The following PPP3R1 variants were observed in gnomAD, a reference collection of about 807,000 sequenced individuals.
PPP3R1 encodes the protein calcineurin subunit B type 1.
A neutral mutation model predicts 22.6 loss-of-function variants in PPP3R1; 5 were observed. The observed-to-expected ratio is 0.22, with a 90% CI of 0.12 to 0.46. The LOEUF is 0.46. PPP3R1 is among the 20% of genes least tolerant of loss of function. The pLI is 0.99. For synonymous variants in PPP3R1, 56 were observed against 65.2 expected, an observed-to-expected ratio of 0.86 and a Z score of 0.68; for missense variants, 61 against 203.2, an observed-to-expected ratio of 0.30 and a Z score of 4.25.
Position 68,200,813 on chromosome 2 carries a change from G to T in PPP3R1, c.44-12123C>A, listed in dbSNP as rs756933846. On this transcript the variant is annotated intron_variant, in intron 2 of 5. Transcript: ENST00000234310. The stretch of plus-strand genomic sequence containing the variant: ...TAAAAATCAGACCATGTTTTACTAA[G>T]ACGTCCTTTCTAACCCTTCTCTCAA... Among the ~76,000 whole-genome samples the T allele has an allele frequency of 2.6e-5, 4 of 152,106 alleles. No individual in the cohort carries two copies. In the East Asian group the frequency reaches 7.7e-4, roughly 29 times the overall value.
intron 5 of PPP3R1, among the ~76,000 whole-genome samples, chr2:68,184,921 T>A (rs1674502791): frequency 6.6e-6 from 1 of 152,072 alleles, no homozygotes; most frequent in Admixed American, 6.6e-5. Context: ...GACCCCTGTC[T>A]ACAAAAACTT....
intron 1 of PPP3R1, among the ~76,000 whole-genome samples, chr2:68,237,345 C>G (rs1670037670): frequency 6.6e-6 from 1 of 152,064 alleles, no homozygotes; most frequent in Admixed American, 6.6e-5. Context: ...GTGAATCAGG[C>G]AATCTTGTGG....
Position 68,198,401 on chromosome 2 carries a change from ATGTG to A in PPP3R1, c.44-9715_44-9712del, listed in dbSNP as rs1174639727. 1.3e-4 allele frequency among the ~76,000 whole-genome samples: 8 copies of A among 60,290 alleles called. No individual in the cohort carries two copies. In the East Asian group the frequency reaches 3.3e-3, roughly 25 times the overall value. The allele number at this position is 60,290 out of a possible 152,430, so 39.6% of individuals were successfully genotyped here. A position where few individuals can be genotyped will look rare whatever the true frequency, so the allele number is the denominator to read the frequency against. ...TGTATATGCATATATATGTATATATATGTGTATGTATATGCATATATACGTATAT... is the reference window on the plus strand; with the variant it reads ...TGTATATGCATATATATGTATATATATATGTATATGCATATATACGTATAT... On this transcript the variant is annotated intron_variant, in intron 2 of 5. Transcript: ENST00000234310.
intron 1 of PPP3R1, among the ~76,000 whole-genome samples, chr2:68,225,906 T>C (rs1426214874): frequency 6.6e-6 from 1 of 152,236 alleles, no homozygotes; most frequent in Non-Finnish European, 1.5e-5. Context: ...TATTCAGCTT[T>C]ATTCTTAATA....
chr2:68,192,020 G>C (rs938696071), intron 2 of PPP3R1, among the ~76,000 whole-genome samples: 3 of 152,064 alleles, frequency 2.0e-5, no homozygotes, highest in Non-Finnish European at 4.4e-5. Flanking sequence ...TATAACAGGT[G>C]CTTAATTATG....
intron 1 of PPP3R1, among the ~76,000 whole-genome samples, chr2:68,249,035 T>G (rs561368550): frequency 6.6e-6 from 1 of 152,314 alleles, no homozygotes; most frequent in East Asian, 1.9e-4. Context: ...AATGAATCCC[T>G]GTTGCTTGCC....
At chr2:68,208,228 G>A (rs1056412677) in intron 2 of PPP3R1, among the ~76,000 whole-genome samples, 1 of 152,180 alleles carries the variant, frequency 6.6e-6, no homozygotes, top group Non-Finnish European at 1.5e-5. Context: ...GCACCAGTCT[G>A]TAACTTCTGT....
intron 1 of PPP3R1, among the ~76,000 whole-genome samples, chr2:68,241,037 A>C (rs760358549): frequency 6.6e-6 from 1 of 152,326 alleles, no homozygotes; most frequent in Middle Eastern, 3.4e-3. Flanking sequence ...TGTTAAACCA[A>C]ATGCATTTAA....
At chr2:68,229,254 C>A (rs1393707519) in intron 1 of PPP3R1, among the ~76,000 whole-genome samples, 1 of 152,004 alleles carries the variant, frequency 6.6e-6, no homozygotes, top group Admixed American at 6.6e-5. Flanking sequence ...TCATGCAATC[C>A]TCCCACCTTA....
rs532368614 is a variant in PPP3R1, at chr2:68,221,444, G to C, written c.4-4313C>G. On this transcript the variant is annotated intron_variant, in intron 1 of 5. Transcript: ENST00000234310. Reference sequence around the variant, plus strand: ...GCCTGATAGGTCAAGGGTGCAGTGAGCCTTGAGCACACCACTGCACTCCAG... The same window carrying C: ...GCCTGATAGGTCAAGGGTGCAGTGACCCTTGAGCACACCACTGCACTCCAG... Among the ~76,000 whole-genome samples the C allele has an allele frequency of 3.3e-3, 495 of 151,848 alleles. 2 individuals are homozygous for C. Among genetic ancestry groups the C allele is most frequent in the South Asian group, 0.01 (48 of 4,796 alleles).
intron 2 of PPP3R1, among the ~76,000 whole-genome samples, chr2:68,189,594 G>A (rs959316709): frequency 1.3e-5 from 2 of 152,072 alleles, no homozygotes; most frequent in Admixed American, 6.6e-5. Flanking sequence ...CGGGCCAGGC[G>A]CAATGGCTCA....
chr2:68,252,196 A>G lies in PPP3R1; in HGVS notation c.-69T>C, dbSNP rs1220031185. ...AAGTGTTGCGCTCAGGCTGGCTCGC[A>G]GGAAACGGCGGCGGCGGCCCAGCTG... On this transcript the variant is annotated 5_prime_UTR_variant, in exon 1 of 6. Transcript: ENST00000234310. 3.9e-6 allele frequency: 5 copies of G among 1,271,468 alleles called. No homozygotes were observed. The highest frequency in any genetic ancestry group is 8.1e-5 in the East Asian group (2 of 24,680). The allele number at this position is 1,271,468 out of a possible 1,614,324, so 78.8% of individuals were successfully genotyped here.
intron 2 of PPP3R1, among the ~76,000 whole-genome samples, chr2:68,190,925 T>G (rs958026867): frequency 1.3e-5 from 2 of 152,262 alleles, no homozygotes; most frequent in African/African-American, 4.8e-5. Context: ...GTGTTTCATT[T>G]GTACAGTTAA....
intron 2 of PPP3R1, among the ~76,000 whole-genome samples, chr2:68,205,109 A>G (rs1675087535): frequency 6.6e-6 from 1 of 152,196 alleles, no homozygotes. Context: ...TTGAAAAAAG[A>G]GTATAATGAA....
chr2:68,200,122 T>C (rs1674945179), intron 2 of PPP3R1, among the ~76,000 whole-genome samples: 1 of 152,212 alleles, frequency 6.6e-6, no homozygotes. Context: ...TTCCTCTTAT[T>C]GTCAGTTTTA....
chr2:68,211,465 A>C (rs1669485890), intron 2 of PPP3R1, among the ~76,000 whole-genome samples: 1 of 151,282 alleles, frequency 6.6e-6, no homozygotes, highest in South Asian at 2.1e-4. Flanking sequence ...CTGAGCTTTC[A>C]GTGAGTTGTA....
intron 2 of PPP3R1, among the ~76,000 whole-genome samples, chr2:68,212,926 G>A (rs557553604): frequency 1.3e-5 from 2 of 152,228 alleles, no homozygotes; most frequent in Admixed American, 6.5e-5. Context: ...AAGTTATGGA[G>A]ATGGCTTATC....
At chr2:68,197,237 GTTCT>G (rs1031032315) in intron 2 of PPP3R1, among the ~76,000 whole-genome samples, 3 of 152,036 alleles carry the variant, frequency 2.0e-5, no homozygotes, top group Admixed American at 1.3e-4. Context: ...GGCAACCACT[GTTCT>G]TTCTATAACT....
chr2:68,242,835 A>G (rs2103810824), intron 1 of PPP3R1, among the ~76,000 whole-genome samples: 1 of 152,342 alleles, frequency 6.6e-6, no homozygotes, highest in South Asian at 2.1e-4. Flanking sequence ...TAAAAATAAA[A>G]TACTAATGGA....
Sources: allele counts gnomAD v4.1 joint callset (sites outside exome capture counted in the v4.1 genomes callset), GRCh38; gene constraint gnomAD v4.1.1; transcripts MANE v1.5; gene names NCBI Gene and HGNC (gene_info 2026-07-23, HGNC 2026-07-21).